The following DDI2 variants were observed in gnomAD, a reference collection of about 807,000 sequenced individuals.
DDI2 encodes protein DDI1 homolog 2.
Under a neutral mutation model 48.1 loss-of-function variants are expected in DDI2, and 5 were observed. The observed-to-expected ratio is 0.10, with a 90% CI of 0.05 to 0.22. DDI2 has a LOEUF of 0.22. Among genes scored for constraint, DDI2 ranks in the 10% least tolerant of loss-of-function variants. DDI2 has a pLI of 1.00. For missense variants in DDI2, 285 were observed against 506.2 expected (o/e 0.56, Z 4.19); for synonymous variants, 205 against 183.6 (o/e 1.12, Z -0.94).
In DDI2 at chr1:15,667,470, A is replaced by G. The variant is rs1300038308; in HGVS notation, c.*7680A>G. 6.6e-6 allele frequency: 1 copy of G among 152,228 alleles called. No homozygotes were observed. Among genetic ancestry groups the G allele is most frequent in the African/African-American group, 2.4e-5 (1 of 41,448 alleles). 9.4% of individuals were successfully genotyped at this position (152,228 alleles called of 1,614,324 possible). On this transcript the variant is annotated 3_prime_UTR_variant, in exon 10 of 10. Transcript: ENST00000480945. Reference sequence around the variant, plus strand: ...ATCCTCCTCACATCCCTTTGTGAGCACGGCTGCTCCGGAATACTGACCATC... The same window carrying G: ...ATCCTCCTCACATCCCTTTGTGAGCGCGGCTGCTCCGGAATACTGACCATC...
intron 6 of DDI2, among the ~76,000 whole-genome samples, chr1:15,645,577 G>C (rs1275727190): frequency 1.3e-5 from 2 of 152,228 alleles, no homozygotes; most frequent in African/African-American, 2.4e-5. Context: ...ACATTGAAGA[G>C]TGGGCCACTG....
rs1639763204 is a variant in DDI2 at position 15,626,856 on chromosome 1, T to C, written c.268+58T>C. ...AGAACCATCAGCAGGTAGCAGAGCA[T>C]AGCACCTCAGAGTTTTGGATTCGCT... is the stretch of plus-strand genomic sequence containing the variant. On this transcript the variant is annotated intron_variant, in intron 2 of 9. Coordinates refer to ENST00000480945, the MANE Select transcript of DDI2 (RefSeq NM_032341.5). 1.2e-5 allele frequency: 19 copies of C among 1,608,632 alleles called. 1 individual carries two copies. The South Asian group carries it at 1.5e-4, about 13-fold the overall frequency.
chr1:15,628,832 C>T (rs1486820243), intron 2 of DDI2, among the ~76,000 whole-genome samples: 1 of 152,156 alleles, frequency 6.6e-6, no homozygotes, highest in East Asian at 1.9e-4. Context: ...AAAAAGAAAT[C>T]CTATACCCAT....
In DDI2 at chr1:15,666,120, ATTAAAT is replaced by A. The variant is rs2148312311; in HGVS notation, c.*6332_*6337del. The A allele has an allele frequency of 6.6e-6, 1 of 152,360 alleles. No individual in the cohort carries two copies. Among genetic ancestry groups the A allele is most frequent in the South Asian group, 2.1e-4 (1 of 4,830 alleles). The allele number at this position is 152,360 out of a possible 1,614,324, so 9.4% of individuals were successfully genotyped here. The stretch of plus-strand genomic sequence containing the variant: ...AATTGCTAATTACTCTTAACAACAA[ATTAAAT>A]TCAAAGCCTGTCCTTGAGAACTGGA... On this transcript the variant is annotated 3_prime_UTR_variant, in exon 10 of 10. Transcript: ENST00000480945.
intron 8 of DDI2, among the ~76,000 whole-genome samples, chr1:15,652,334 A>G (rs113809420): frequency 0.1 from 15,537 of 150,946 alleles, 1,095 homozygotes; most frequent in African/African-American, 0.19. Context: ...CTGGGATTAC[A>G]GGTGTGAGCT....
intron 8 of DDI2, 79 bp downstream of exon 8, chr1:15,651,974 A>AACCTTTCC: frequency 2.1e-6 from 3 of 1,417,066 alleles, no homozygotes; most frequent in Non-Finnish European, 2.8e-6. Flanking sequence ...AAGGGGTAGG[A>AACCTTTCC]ACCTTTCCAG....
chr1:15,668,452 T>G lies in DDI2; in HGVS notation c.*8662T>G, dbSNP rs1163047875. On this transcript the variant is annotated 3_prime_UTR_variant, in exon 10 of 10. Transcript: ENST00000480945. ...AATTCAATATATTGATTGAATTTTA[T>G]TTTTTCGCTTTGTATCTACAACAGA... The G allele has an allele frequency of 6.6e-6, 1 of 152,232 alleles. No individual in the cohort carries two copies. Among genetic ancestry groups the G allele is most frequent in the African/African-American group, 2.4e-5 (1 of 41,456 alleles). 9.4% of individuals were successfully genotyped at this position (152,232 alleles called of 1,614,324 possible).
chr1:15,618,192 T>C (rs1049060021), intron 1 of DDI2, among the ~76,000 whole-genome samples: 9 of 151,430 alleles, frequency 5.9e-5, no homozygotes, highest in African/African-American at 2.2e-4. Context: ...CTAGGATTCA[T>C]ACATCCTGCA....
intron 8 of DDI2, among the ~76,000 whole-genome samples, chr1:15,652,107 C>G (rs984560021): frequency 7.4e-6 from 1 of 134,286 alleles, no homozygotes; most frequent in African/African-American, 3.2e-5. Flanking sequence ...ACTCTGTCAC[C>G]CAGGTTGGAG....
At chr1:15,653,823 C>T (rs549036928) in intron 8 of DDI2, among the ~76,000 whole-genome samples, 1 of 152,180 alleles carries the variant, frequency 6.6e-6, no homozygotes, top group Non-Finnish European at 1.5e-5. Context: ...ACTGAAAATG[C>T]AGTGTTATGG....
chr1:15,633,602 A>G (rs1230827098), intron 4 of DDI2, 37 bp downstream of exon 4: 1 of 1,600,112 alleles, frequency 6.2e-7, no homozygotes, highest in African/African-American at 1.4e-5. Flanking sequence ...AAACTTAGAG[A>G]CTCCAGATTT....
Position 15,666,033 on chromosome 1 carries a change from A to G in DDI2, c.*6243A>G, listed in dbSNP as rs1321623864. On this transcript the variant is annotated 3_prime_UTR_variant, in exon 10 of 10. Transcript: ENST00000480945. The stretch of plus-strand genomic sequence containing the variant: ...GTTATCAAGAGTTTCCCTTCCTAGA[A>G]GATGAATGTTACCTTTTGTGTTAGG... 2 of 152,200 alleles carry G rather than the reference A, an allele frequency of 1.3e-5. No individual in the cohort carries two copies. Among genetic ancestry groups the G allele is most frequent in the Non-Finnish European group, 2.9e-5 (2 of 68,016 alleles). The allele number at this position is 152,200 out of a possible 1,614,324, so 9.4% of individuals were successfully genotyped here.
At position 15,618,325 on chromosome 1, in the gene DDI2, C is replaced by T. The variant is rs183293990; in HGVS notation, c.138+517C>T. ...GTTTACCTTTAAATGCACAGATTTG[C>T]ACTTCCGGTGAAAGAAAAAGTTTAA... is the stretch of plus-strand genomic sequence containing the variant. On this transcript the variant is annotated intron_variant, in intron 1 of 9. Transcript: ENST00000480945. Among the ~76,000 whole-genome samples, 5 of 149,052 alleles carry T rather than the reference C, an allele frequency of 3.4e-5. No homozygotes were observed. The Admixed American group carries it at 3.4e-4, about 10-fold the overall frequency.
chr1:15,620,069 G>T (rs1639632577), intron 1 of DDI2, among the ~76,000 whole-genome samples: 2 of 152,144 alleles, frequency 1.3e-5, no homozygotes, highest in Admixed American at 1.3e-4. Flanking sequence ...CTTAGTAATT[G>T]AACATAGGCT....
chr1:15,648,729 A>C (rs1288550047), intron 6 of DDI2, among the ~76,000 whole-genome samples: 3 of 151,266 alleles, frequency 2.0e-5, no homozygotes, highest in Non-Finnish European at 4.4e-5. Flanking sequence ...CCCTACCCAC[A>C]CCACACAAAA....
chr1:15,633,408 T>TAA, intron 3 of DDI2, 31 bp from the exon 4 acceptor site: 1 of 1,606,966 alleles, frequency 6.2e-7, no homozygotes, highest in African/African-American at 1.3e-5. Flanking sequence ...AATATAGTGA[T>TAA]ATTTAAGATT....
rs556955804 is a variant in DDI2, at chr1:15,664,283, T to C, written c.*4493T>C. 34 of 152,204 alleles carry C rather than the reference T, an allele frequency of 2.2e-4. No individual in the cohort carries two copies. The highest frequency in any genetic ancestry group is 8.2e-4 in the African/African-American group (34 of 41,526). The allele number at this position is 152,204 out of a possible 1,614,324, so 9.4% of individuals were successfully genotyped here. A position where few individuals can be genotyped will look rare whatever the true frequency, so the allele number is the denominator to read the frequency against. On this transcript the variant is annotated 3_prime_UTR_variant, in exon 10 of 10. Transcript: ENST00000480945. Reference sequence around the variant, plus strand: ...CATCTCTACTAAAAATACAAAAAATTAGCTGGGCATGGTGGCACACGCCTG... The same window carrying C: ...CATCTCTACTAAAAATACAAAAAATCAGCTGGGCATGGTGGCACACGCCTG...
At chr1:15,655,934 C>CA (rs901052189) in intron 8 of DDI2, among the ~76,000 whole-genome samples, 10 of 150,642 alleles carry the variant, frequency 6.6e-5, no homozygotes, top group East Asian at 3.9e-4. Flanking sequence ...AAAAAAACAA[C>CA]AAAAAAAAGA....
chr1:15,648,297 T>A (rs1640121620), intron 6 of DDI2, among the ~76,000 whole-genome samples: 1 of 152,202 alleles, frequency 6.6e-6, no homozygotes, highest in South Asian at 2.1e-4. Context: ...TGGCCATCCT[T>A]GTGGATTTTA....
Sources: allele counts gnomAD v4.1 joint callset (sites outside exome capture counted in the v4.1 genomes callset), GRCh38; gene constraint gnomAD v4.1.1; transcripts MANE v1.5; gene names NCBI Gene and HGNC (gene_info 2026-07-23, HGNC 2026-07-21).